ZNF385B: variants seen among roughly 807,000 people sequenced by gnomAD.
ZNF385B encodes zinc finger protein 385B.
ZNF385B carries 23 observed loss-of-function variants against 39.2 expected under a neutral mutation model. The observed-to-expected ratio is 0.59, with a 90% CI of 0.42 to 0.83. ZNF385B has a LOEUF of 0.83. Ranked by LOEUF, ZNF385B falls within the 40% of genes least tolerant of loss-of-function variation. The probability of loss-of-function intolerance (pLI) is 0.00; values close to 1 mark genes in which losing one functional copy is unlikely to be tolerated. For synonymous variants in ZNF385B, 205 were observed against 222.6 expected (o/e 0.92, Z 0.70); for missense variants, 552 against 598.9 (o/e 0.92, Z 0.82).
intron 5 of ZNF385B, among the ~76,000 whole-genome samples, chr2:179,501,865 C>T (rs962636432): frequency 1.3e-5 from 2 of 152,116 alleles, no homozygotes; most frequent in Admixed American, 6.6e-5. Context: ...TATACACCTA[C>T]TATATACCCA....
chr2:179,633,708 T>A (rs1363114491), intron 3 of ZNF385B, among the ~76,000 whole-genome samples: 1 of 152,148 alleles, frequency 6.6e-6, no homozygotes, highest in African/African-American at 2.4e-5. Context: ...GCCAGGGCAA[T>A]CAGGCAAGGG....
rs867541040 is a variant in ZNF385B, at chr2:179,474,917, C to A, written c.715+8355G>T. ...CAATCATTTCATTTGATCCATACAA[C>A]ATATCCATACTCCCTACTGCTGTGA... On this transcript the variant is annotated intron_variant, in intron 6 of 9. Coordinates refer to ENST00000410066, the MANE Select transcript of ZNF385B (RefSeq NM_152520.6). Among the ~76,000 whole-genome samples the A allele has an allele frequency of 1.2e-4, 19 of 152,310 alleles. No homozygotes were observed. The East Asian group carries it at 3.7e-3, about 29-fold the overall frequency.
In ZNF385B at chr2:179,814,564, T is replaced by A. The variant is rs1274882745; in HGVS notation, c.-154-43892A>T. ...GGCAACAACAAGATTAACTGGGCCA[T>A]GGAGGACAAGCAGGAGATGGTCGAC... On this transcript the variant is annotated intron_variant, in intron 1 of 9. Transcript: ENST00000410066. 5 of 772,636 alleles carry A rather than the reference T, an allele frequency of 6.5e-6. No homozygotes were observed. In the Admixed American group the frequency reaches 9.6e-5, roughly 15 times the overall value. The allele number at this position is 772,636 out of a possible 1,614,324, so 47.9% of individuals were successfully genotyped here.
At chr2:179,525,709 C>T (rs2058842674) in intron 4 of ZNF385B, among the ~76,000 whole-genome samples, 1 of 152,108 alleles carries the variant, frequency 6.6e-6, no homozygotes, top group Non-Finnish European at 1.5e-5. Context: ...ATTTTTTATC[C>T]CTTCCTTCTT....
chr2:179,510,566 T>C (rs1379247483), intron 5 of ZNF385B, among the ~76,000 whole-genome samples: 4 of 152,156 alleles, frequency 2.6e-5, no homozygotes, highest in Non-Finnish European at 5.9e-5. Context: ...AATAGTATGT[T>C]GGTTTGAGTT....
intron 3 of ZNF385B, among the ~76,000 whole-genome samples, chr2:179,632,654 G>A (rs1042364494): frequency 6.6e-6 from 1 of 152,036 alleles, no homozygotes; most frequent in Non-Finnish European, 1.5e-5. Flanking sequence ...AGAGAAGCAA[G>A]AGCAAACACA....
At chr2:179,509,831 T>C (rs985531620) in intron 5 of ZNF385B, among the ~76,000 whole-genome samples, 2 of 152,190 alleles carry the variant, frequency 1.3e-5, no homozygotes, top group Non-Finnish European at 2.9e-5. Context: ...GCAACTAGCT[T>C]TTTGGTTCCT....
intron 3 of ZNF385B, among the ~76,000 whole-genome samples, chr2:179,756,699 C>A (rs1193192662): frequency 6.6e-6 from 1 of 152,064 alleles, no homozygotes; most frequent in African/African-American, 2.4e-5. Flanking sequence ...TTTTTCTCTA[C>A]ACTTCTCACT....
chr2:179,549,879 T>C (rs2060462171), intron 3 of ZNF385B, among the ~76,000 whole-genome samples: 1 of 147,704 alleles, frequency 6.8e-6, no homozygotes, highest in Non-Finnish European at 1.5e-5. Flanking sequence ...AGATTGAGAG[T>C]AATTTTTTTT....
At chr2:179,483,951 G>C (rs1247171225) in intron 5 of ZNF385B, among the ~76,000 whole-genome samples, 1 of 152,032 alleles carries the variant, frequency 6.6e-6, no homozygotes, top group Non-Finnish European at 1.5e-5. Context: ...TGAATTTTTT[G>C]GTAAGCTCTA....
chr2:179,635,216 G>A (rs940012214), intron 3 of ZNF385B, among the ~76,000 whole-genome samples: 6 of 152,022 alleles, frequency 3.9e-5, no homozygotes, highest in African/African-American at 9.6e-5. Context: ...AAAAAAGTAC[G>A]AGTTCATGTC....
At chr2:179,592,796 T>C (rs553642161) in intron 3 of ZNF385B, among the ~76,000 whole-genome samples, 1 of 152,298 alleles carries the variant, frequency 6.6e-6, no homozygotes, top group South Asian at 2.1e-4. Context: ...TGGAAGGTTT[T>C]TGGCAACTCT....
chr2:179,820,667 T>C (rs1369694529), intron 1 of ZNF385B, among the ~76,000 whole-genome samples: 1 of 152,152 alleles, frequency 6.6e-6, no homozygotes, highest in Non-Finnish European at 1.5e-5. Context: ...TGCATTTGTC[T>C]GCCAAGAATA....
At chr2:179,776,034 T>C (rs976150399) in intron 1 of ZNF385B, among the ~76,000 whole-genome samples, 1 of 152,234 alleles carries the variant, frequency 6.6e-6, no homozygotes, top group African/African-American at 2.4e-5. Flanking sequence ...GACCACATCT[T>C]ACCTCTGAAA....
intron 3 of ZNF385B, chr2:179,576,288 A>G (rs1215167540): frequency 2.0e-6 from 1 of 503,064 alleles, no homozygotes; most frequent in Admixed American, 6.4e-5. Context: ...AAAGTGAACC[A>G]CATTACTCCT....
At chr2:179,836,513 CTTTTT>C (rs755278598) in intron 1 of ZNF385B, among the ~76,000 whole-genome samples, 41 of 124,182 alleles carry the variant, frequency 3.3e-4, no homozygotes, top group African/African-American at 1.3e-3. Context: ...CTTGCGTTTT[CTTTTT>C]TTTTTTTTTT....
In ZNF385B at chr2:179,808,075, C is replaced by A. The variant is rs187907247; in HGVS notation, c.-154-37403G>T. Among the ~76,000 whole-genome samples the A allele has an allele frequency of 2.6e-5, 4 of 151,660 alleles. No homozygotes were observed. The East Asian group carries it at 7.9e-4, about 30-fold the overall frequency. The stretch of plus-strand genomic sequence containing the variant: ...TGTGACGGAGTCTTGCTCTGTCGCC[C>A]AGGCTGGAGTGCAGTGGCGGGATCT... On this transcript the variant is annotated intron_variant, in intron 1 of 9. Coordinates refer to ENST00000410066, the MANE Select transcript of ZNF385B (RefSeq NM_152520.6).
intron 3 of ZNF385B, among the ~76,000 whole-genome samples, chr2:179,565,893 T>C (rs868268634): frequency 1.3e-5 from 2 of 152,216 alleles, no homozygotes; most frequent in African/African-American, 4.8e-5. Flanking sequence ...CTGCAATGCA[T>C]TTTATTTACA....
chr2:179,584,951 A>T (rs1686933014), intron 3 of ZNF385B, among the ~76,000 whole-genome samples: 1 of 152,232 alleles, frequency 6.6e-6, no homozygotes, highest in African/African-American at 2.4e-5. Context: ...GATGTCACAC[A>T]CAGAGAGCAA....
Sources: allele counts gnomAD v4.1 joint callset (sites outside exome capture counted in the v4.1 genomes callset), GRCh38; gene constraint gnomAD v4.1.1; transcripts MANE v1.5; gene names NCBI Gene and HGNC (gene_info 2026-07-23, HGNC 2026-07-21).